The following FOCAD variants were observed in gnomAD, a reference collection of about 807,000 sequenced individuals.
FOCAD encodes KIAA1797.
Under a neutral mutation model 225.6 loss-of-function variants are expected in FOCAD, and 198 were observed. The observed-to-expected ratio is 0.88, with a 90% CI of 0.78 to 0.99. FOCAD has a LOEUF of 0.99. FOCAD is among the 50% of genes least tolerant of loss of function. The pLI is 0.00. For missense variants in FOCAD, 2,713 were observed against 2,123.6 expected (o/e 1.28, Z -5.46); for synonymous variants, 897 against 755.0 (o/e 1.19, Z -3.08).
At chr9:20,668,547 G>A (rs1821962654) in intron 2 of FOCAD, among the ~76,000 whole-genome samples, 1 of 152,094 alleles carries the variant, frequency 6.6e-6, no homozygotes, top group African/African-American at 2.4e-5. Flanking sequence ...TACAGGGGGA[G>A]GAAAAGAAGA....
At chr9:20,875,454 G>A (rs12377926) in intron 19 of FOCAD, 31,024 of 152,052 alleles carry the variant, frequency 0.2, 3,491 homozygotes, top group Non-Finnish European at 0.25. Context: ...AATTAGCCTG[G>A]TGTGGTGGTG....
At chr9:20,729,046 AT>A (rs556033829) in intron 4 of FOCAD, among the ~76,000 whole-genome samples, 482 of 152,308 alleles carry the variant, frequency 3.2e-3, no homozygotes, top group African/African-American at 0.011. Flanking sequence ...CCTGGCCACA[AT>A]TACAGATTTC....
At chr9:20,986,609 C>G (rs1488946585) in intron 40 of FOCAD, 144 bp downstream of exon 40, 3 of 609,776 alleles carry the variant, frequency 4.9e-6, no homozygotes, top group Non-Finnish European at 7.9e-6. Context: ...TGAGGAGTAA[C>G]TTGGATAGAA....
chr9:20,977,436 C>A (rs1840317940), intron 36 of FOCAD, among the ~76,000 whole-genome samples: 1 of 152,196 alleles, frequency 6.6e-6, no homozygotes, highest in Non-Finnish European at 1.5e-5. Flanking sequence ...TCAACACCTC[C>A]AGTTCATCCA....
At chr9:20,841,939 G>A (rs893680118) in intron 15 of FOCAD, among the ~76,000 whole-genome samples, 2 of 151,698 alleles carry the variant, frequency 1.3e-5, no homozygotes, top group Admixed American at 6.6e-5. Context: ...ATAGGTTTTG[G>A]TATCTTGTTT....
intron 12 of FOCAD, 74 bp downstream of exon 12, chr9:20,819,974 T>G (rs1824141057): frequency 1.0e-6 from 1 of 966,918 alleles, no homozygotes; most frequent in Admixed American, 2.7e-5. Flanking sequence ...TTTGGTATTA[T>G]GAAATTTTAA....
At chr9:20,883,495 C>T (rs140938913) in intron 20 of FOCAD, among the ~76,000 whole-genome samples, 14 of 152,238 alleles carry the variant, frequency 9.2e-5, no homozygotes, top group Admixed American at 2.0e-4. Flanking sequence ...AATGACCATA[C>T]GCTGGACCAC....
chr9:20,913,060 T>C, intron 23 of FOCAD, 106 bp downstream of exon 23: 1 of 823,050 alleles, frequency 1.2e-6, no homozygotes, highest in Non-Finnish European at 2.0e-6. Context: ...AACCTCTATA[T>C]GTGAGCCTGA....
chr9:20,784,212 A>G (rs1587148089), intron 10 of FOCAD, among the ~76,000 whole-genome samples: 1 of 152,148 alleles, frequency 6.6e-6, no homozygotes, highest in Admixed American at 6.5e-5. Context: ...ACTGGAAGCC[A>G]CCTCTGGGAT....
intron 1 of FOCAD, among the ~76,000 whole-genome samples, chr9:20,693,055 C>T (rs1475612683): frequency 6.6e-6 from 1 of 152,206 alleles, no homozygotes; most frequent in Non-Finnish European, 1.5e-5. Context: ...CTGCCCCAAA[C>T]TCTCCAGTGG....
intron 42 of FOCAD, among the ~76,000 whole-genome samples, chr9:20,992,790 T>A (rs1049222079): frequency 1.3e-5 from 2 of 152,030 alleles, no homozygotes; most frequent in African/African-American, 4.8e-5. Context: ...AAACCCTGTC[T>A]CTACTAAGAA....
intron 1 of FOCAD, among the ~76,000 whole-genome samples, chr9:20,703,115 G>C (rs936969369): frequency 7.3e-6 from 1 of 137,754 alleles, no homozygotes; most frequent in African/African-American, 2.7e-5. Context: ...TTGAGATTGT[G>C]ATAAAAGCTA....
At chr9:20,663,704 C>T (rs1043364810) in intron 2 of FOCAD, among the ~76,000 whole-genome samples, 15 of 152,160 alleles carry the variant, frequency 9.9e-5, no homozygotes, top group African/African-American at 2.9e-4. Flanking sequence ...GAAAACAATA[C>T]GTAACCTCAA....
intron 28 of FOCAD, among the ~76,000 whole-genome samples, chr9:20,938,346 A>T (rs942514888): frequency 6.6e-6 from 1 of 152,178 alleles, no homozygotes; most frequent in South Asian, 2.1e-4. Flanking sequence ...TCCAACAATG[A>T]TAGACTGGAT....
chr9:20,698,187 G>A lies in FOCAD; in HGVS notation c.-33+13894G>A, dbSNP rs1044788996. On this transcript the variant is annotated intron_variant, in intron 1 of 43. Coordinates refer to ENST00000338382, the MANE Select transcript of FOCAD (RefSeq NM_001375567.1). ...TTCTTTGTAATTTAAAATAAGTAAT[G>A]TATGCCCCATTGTAAGAACAAAATT... Among the ~76,000 whole-genome samples, 15 of 152,222 alleles carry A rather than the reference G, an allele frequency of 9.9e-5. No individual in the cohort carries two copies. The South Asian group carries it at 1.2e-3, about 13-fold the overall frequency.
At chr9:20,992,083 T>C (rs1841724425) in intron 42 of FOCAD, among the ~76,000 whole-genome samples, 1 of 152,248 alleles carries the variant, frequency 6.6e-6, no homozygotes, top group Admixed American at 6.5e-5. Context: ...AGCTTCTATA[T>C]GTGAAACTAA....
chr9:20,820,638 T>C (rs1824222338), intron 13 of FOCAD, among the ~76,000 whole-genome samples: 1 of 152,166 alleles, frequency 6.6e-6, no homozygotes, highest in South Asian at 2.1e-4. Flanking sequence ...TTTCTTTATT[T>C]CTGAAATGTA....
chr9:20,735,977 C>T (rs960034561), intron 4 of FOCAD, among the ~76,000 whole-genome samples: 3 of 152,044 alleles, frequency 2.0e-5, no homozygotes, highest in African/African-American at 7.2e-5. Context: ...TGGAGAACCT[C>T]TTTAAGAAAA....
chr9:20,767,543 T>A (rs1299914284), intron 7 of FOCAD, among the ~76,000 whole-genome samples: 1 of 151,744 alleles, frequency 6.6e-6, no homozygotes, highest in Non-Finnish European at 1.5e-5. Flanking sequence ...GGTATCTCAT[T>A]GTGGTTTTGA....
Sources: allele counts gnomAD v4.1 joint callset (sites outside exome capture counted in the v4.1 genomes callset), GRCh38; gene constraint gnomAD v4.1.1; transcripts MANE v1.5; gene names NCBI Gene and HGNC (gene_info 2026-07-23, HGNC 2026-07-21).